Variants in PCCB observed in about 807,000 individuals in gnomAD.
The protein encoded by PCCB is propionyl-CoA carboxylase beta chain, mitochondrial.
In PCCB, 43 loss-of-function variants were observed where a neutral mutation model predicts 60.7. The observed-to-expected ratio is 0.71, with a 90% CI of 0.55 to 0.91. The LOEUF (loss-of-function observed/expected upper bound fraction) is 0.91. Among genes scored for constraint, PCCB ranks in the 40% least tolerant of loss-of-function variants. The probability of loss-of-function intolerance (pLI) is 0.00; values close to 1 mark genes in which losing one functional copy is unlikely to be tolerated. For missense variants in PCCB, 766 were observed against 702.8 expected, an observed-to-expected ratio of 1.09 and a Z score of -1.02; for synonymous variants, 276 against 255.9, an observed-to-expected ratio of 1.08 and a Z score of -0.75.
At position 136,302,389 on chromosome 3, in the gene PCCB, G is replaced by A. The variant is rs944051653; in HGVS notation, c.966+1278G>A. ...GCCAGGCAATTGTTGCCTGGGTGGG[G>A]AGACAGATTCCTGGTGCTTCCTACT... is the stretch of plus-strand genomic sequence containing the variant. On this transcript the variant is annotated intron_variant, in intron 9 of 14. Coordinates refer to ENST00000251654, the MANE Select transcript of PCCB (RefSeq NM_000532.5). Among the ~76,000 whole-genome samples, 2 of 120,852 alleles carry A rather than the reference G, an allele frequency of 1.7e-5. 1 individual carries two copies. The highest frequency in any genetic ancestry group is 3.7e-5 in the Non-Finnish European group (2 of 54,246). The allele number at this position is 120,852 out of a possible 152,430, so 79.3% of individuals were successfully genotyped here.
intron 9 of PCCB, among the ~76,000 whole-genome samples, chr3:136,308,094 A>G (rs923321727): frequency 6.6e-6 from 1 of 152,184 alleles, no homozygotes; most frequent in East Asian, 1.9e-4. Flanking sequence ...AATTATATTC[A>G]GTATATAAAT....
At chr3:136,317,347 G>A (rs558462074) in intron 10 of PCCB, among the ~76,000 whole-genome samples, 2 of 150,564 alleles carry the variant, frequency 1.3e-5, no homozygotes, top group South Asian at 2.1e-4. Flanking sequence ...TCGGCCTCCC[G>A]AGTAGCTGGG....
At chr3:136,287,439 GT>G (rs113800160) in intron 6 of PCCB, among the ~76,000 whole-genome samples, 10 of 146,770 alleles carry the variant, frequency 6.8e-5, no homozygotes, top group Non-Finnish European at 7.6e-5. Flanking sequence ...GGTGTTTTTT[GT>G]TTTTTTTTTG....
intron 4 of PCCB, among the ~76,000 whole-genome samples, chr3:136,261,605 C>T (rs2108146058): frequency 1.3e-5 from 2 of 152,264 alleles, no homozygotes; most frequent in South Asian, 4.1e-4. Flanking sequence ...ATTCTGTCTA[C>T]TGTAAGTTCT....
In PCCB at chr3:136,264,961, C is replaced by G. The variant is rs561557272; in HGVS notation, c.543+2896C>G. 1.6e-4 allele frequency among the ~76,000 whole-genome samples: 24 copies of G among 151,538 alleles called. No homozygotes were observed. In the South Asian group the frequency reaches 4.6e-3, roughly 29 times the overall value. Reference sequence around the variant, plus strand: ...CTGTGATCCCAGCACTTTGGGAGGCCGAGGTGGGTGGATCACTAGGTCAGG... The same window carrying G: ...CTGTGATCCCAGCACTTTGGGAGGCGGAGGTGGGTGGATCACTAGGTCAGG... On this transcript the variant is annotated intron_variant, in intron 5 of 14. Transcript: ENST00000251654.
At chr3:136,289,789 C>CTTTTTTTTTTTTTTTTTTTT (rs147625921) in intron 6 of PCCB, among the ~76,000 whole-genome samples, 8 of 141,838 alleles carry the variant, frequency 5.6e-5, no homozygotes, top group Non-Finnish European at 7.6e-5. Context: ...ACATGTTATA[C>CTTTTTTTTTTTTTTTTTTTT]TTTTTTTTTA....
At chr3:136,255,356 GA>G in intron 1 of PCCB, 1 of 202,698 alleles carries the variant, frequency 4.9e-6, no homozygotes, top group Non-Finnish European at 1.0e-5. Context: ...GGAGGCAGGA[GA>G]AGAACCAGGA....
chr3:136,272,098 C>G (rs371945795), intron 5 of PCCB, among the ~76,000 whole-genome samples: 4 of 152,102 alleles, frequency 2.6e-5, no homozygotes, highest in African/African-American at 7.2e-5. Flanking sequence ...CATGCTTTTT[C>G]TGCATGCAAT....
intron 5 of PCCB, among the ~76,000 whole-genome samples, chr3:136,274,746 C>T (rs1942296512): frequency 6.6e-6 from 1 of 152,142 alleles, no homozygotes; most frequent in Non-Finnish European, 1.5e-5. Context: ...TCTTCTCCCT[C>T]AGGACCACCA....
intron 10 of PCCB, among the ~76,000 whole-genome samples, chr3:136,325,302 T>C (rs1211565402): frequency 6.6e-6 from 1 of 152,034 alleles, no homozygotes; most frequent in Non-Finnish European, 1.5e-5. Flanking sequence ...GGGACTACAT[T>C]GTCTTTTTAT....
intron 8 of PCCB, among the ~76,000 whole-genome samples, chr3:136,299,197 CAT>C (rs72229757): frequency 0.074 from 11,287 of 151,814 alleles, 441 homozygotes; most frequent in Non-Finnish European, 0.094. Context: ...GATATATATC[CAT>C]ATATATGTAT....
Position 136,309,277 on chromosome 3 carries a change from A to G in PCCB, c.967-7664A>G, listed in dbSNP as rs564947682. ...GACTCCATCTCAAAAAAAAAAAAAA[A>G]AAAGAAAAGAAAAACAGATTCCCAA... On this transcript the variant is annotated intron_variant, in intron 9 of 14. Coordinates refer to ENST00000251654, the MANE Select transcript of PCCB (RefSeq NM_000532.5). Among the ~76,000 whole-genome samples the G allele has an allele frequency of 8.6e-5, 13 of 151,654 alleles. No homozygotes were observed. The South Asian group carries it at 2.1e-3, about 24-fold the overall frequency.
In PCCB at chr3:136,277,119, G is replaced by A. The variant is rs140099571; in HGVS notation, c.544-6718G>A. ...ACACTAGTGCTGATGGGAGTGTCAG[G>A]TGAGTGAGGTAGACTCTTTGAGGTT... On this transcript the variant is annotated intron_variant, in intron 5 of 14. Transcript: ENST00000251654. Among the ~76,000 whole-genome samples the A allele has an allele frequency of 2.4e-3, 361 of 152,316 alleles. 1 individual carries two copies. The highest frequency in any genetic ancestry group is 4.4e-3 in the South Asian group (21 of 4,824).
chr3:136,327,029 G>T, intron 11 of PCCB, 119 bp downstream of exon 11: 1 of 1,106,108 alleles, frequency 9.0e-7, no homozygotes, highest in Middle Eastern at 2.0e-4. Flanking sequence ...TGTATTCTGG[G>T]TGTCCAGAAG....
intron 9 of PCCB, among the ~76,000 whole-genome samples, chr3:136,302,057 G>A (rs914661888): frequency 6.6e-6 from 1 of 152,206 alleles, no homozygotes; most frequent in Admixed American, 6.5e-5. Context: ...ACAGTGTGGG[G>A]AGTTGTAGCA....
intron 5 of PCCB, among the ~76,000 whole-genome samples, chr3:136,278,035 A>G (rs573148786): frequency 3.9e-4 from 60 of 152,154 alleles, no homozygotes; most frequent in Non-Finnish European, 6.6e-4. Flanking sequence ...ACCTGCGACC[A>G]CTACCTGAGC....
At chr3:136,313,759 A>G (rs1934764061) in intron 9 of PCCB, among the ~76,000 whole-genome samples, 1 of 152,228 alleles carries the variant, frequency 6.6e-6, no homozygotes, top group Non-Finnish European at 1.5e-5. Context: ...TCTAAAGACC[A>G]AAATAGCTGT....
chr3:136,298,415 C>T (rs774188224), intron 8 of PCCB, among the ~76,000 whole-genome samples: 1 of 151,964 alleles, frequency 6.6e-6, no homozygotes, highest in Non-Finnish European at 1.5e-5. Flanking sequence ...AAGAAGTCTC[C>T]CATTTCCTTT....
At chr3:136,266,586 C>G (rs1397141865) in intron 5 of PCCB, among the ~76,000 whole-genome samples, 1 of 152,192 alleles carries the variant, frequency 6.6e-6, no homozygotes, top group East Asian at 1.9e-4. Flanking sequence ...TGTGCCTGGT[C>G]CAGTCTTTTT....
Sources: gnomAD v4.1 joint callset for allele counts (sites outside exome capture counted in the v4.1 genomes callset) on GRCh38, gnomAD v4.1.1 for gene constraint, MANE v1.5 for transcripts, NCBI Gene and HGNC (gene_info 2026-07-23, HGNC 2026-07-21) for gene names.